Variants in MAF observed in about 807,000 individuals in gnomAD.
MAF encodes the protein MAF bZIP transcription factor.
A neutral mutation model predicts 22.0 loss-of-function variants in MAF; 10 were observed. The ratio of observed to expected loss-of-function variants is 0.45; its 90% CI spans 0.28 to 0.77. MAF has a LOEUF of 0.77. Among genes scored for constraint, MAF ranks in the 30% least tolerant of loss-of-function variants. The probability of loss-of-function intolerance (pLI) is 0.12; values close to 1 mark genes in which losing one functional copy is unlikely to be tolerated. For missense variants in MAF, 544 were observed against 548.4 expected (o/e 0.99, Z 0.08); for synonymous variants, 337 against 255.8 (o/e 1.32, Z -3.03).
chr16:79,325,005 T>G, the MAF span, among the ~76,000 whole-genome samples: 7 of 152,188 alleles, frequency 4.6e-5, no homozygotes, highest in Admixed American at 4.6e-4. Context: ...CATCTTCACC[T>G]GGCATTCTCC....
the MAF span, among the ~76,000 whole-genome samples, chr16:79,509,505 C>T: frequency 2.0e-5 from 3 of 151,984 alleles, no homozygotes; most frequent in East Asian, 1.9e-4. Context: ...GGATGGAACA[C>T]GAGGCCCTGC....
At chr16:79,431,902 C>T in the MAF span, among the ~76,000 whole-genome samples, 8 of 152,274 alleles carry the variant, frequency 5.3e-5, no homozygotes, top group East Asian at 5.8e-4. Flanking sequence ...ACCTTTCCCT[C>T]ATATGCCTAT....
chr16:79,569,956 T>A, the MAF span, among the ~76,000 whole-genome samples: 3 of 151,462 alleles, frequency 2.0e-5, no homozygotes, highest in African/African-American at 4.9e-5. Context: ...GGTGGTGGGA[T>A]CCTTTGCTGT....
chr16:79,513,507 G>T, the MAF span, among the ~76,000 whole-genome samples: 2 of 152,202 alleles, frequency 1.3e-5, no homozygotes, highest in African/African-American at 4.8e-5. Context: ...AAGTAACTGT[G>T]CAGTTGAAGG....
At chr16:79,438,006 T>C in the MAF span, among the ~76,000 whole-genome samples, 8 of 152,186 alleles carry the variant, frequency 5.3e-5, no homozygotes, top group East Asian at 7.7e-4. Context: ...AAGCCGGGGC[T>C]ACTACTGAGC....
At chr16:79,524,413 C>G in the MAF span, among the ~76,000 whole-genome samples, 1 of 152,176 alleles carries the variant, frequency 6.6e-6, no homozygotes, top group African/African-American at 2.4e-5. Flanking sequence ...TGAAACTTAT[C>G]TAACCATTAG....
chr16:79,437,604 T>A, the MAF span, among the ~76,000 whole-genome samples: 1 of 151,770 alleles, frequency 6.6e-6, no homozygotes, highest in Admixed American at 6.6e-5. Flanking sequence ...GCCCCCTCAT[T>A]TTACAGCTGA....
At chr16:79,594,687 C>T in intron 1 of MAF, 134 bp from the exon 2 acceptor site, 9 of 1,483,994 alleles carry the variant, frequency 6.1e-6, no homozygotes, top group Non-Finnish European at 8.0e-6. Context: ...ATGGCACTTA[C>T]TCAGGATTTA....
At chr16:79,542,518 C>G in the MAF span, among the ~76,000 whole-genome samples, 1 of 152,220 alleles carries the variant, frequency 6.6e-6, no homozygotes, top group Non-Finnish European at 1.5e-5. Flanking sequence ...CCAGACATCT[C>G]TGAGGCCCTT....
the MAF span, among the ~76,000 whole-genome samples, chr16:79,281,091 C>T: frequency 1.3e-5 from 2 of 151,716 alleles, no homozygotes; most frequent in East Asian, 1.9e-4. Context: ...GAAGAAGAGA[C>T]GAAGACAAAT....
the MAF span, among the ~76,000 whole-genome samples, chr16:79,333,722 C>T: frequency 6.6e-6 from 1 of 152,188 alleles, no homozygotes; most frequent in East Asian, 1.9e-4. Flanking sequence ...CACGCGGAAA[C>T]CTATCTGATG....
At chr16:79,320,304 C>T in the MAF span, among the ~76,000 whole-genome samples, 2 of 152,144 alleles carry the variant, frequency 1.3e-5, no homozygotes, top group Non-Finnish European at 1.5e-5. Flanking sequence ...AAAGCTGCTC[C>T]CATTCTGCTA....
chr16:79,233,991 C>CA, the MAF span, among the ~76,000 whole-genome samples: 36,238 of 125,420 alleles, frequency 0.29, 5,043 homozygotes, highest in African/African-American at 0.39. Flanking sequence ...GACTCCATCG[C>CA]AAAAAAAAAA....
chr16:79,467,618 C>T, the MAF span, among the ~76,000 whole-genome samples: 1 of 152,130 alleles, frequency 6.6e-6, no homozygotes, highest in Non-Finnish European at 1.5e-5. Flanking sequence ...CTGAGAGCAG[C>T]AGCATCAACA....
chr16:79,490,864 C>T, the MAF span, among the ~76,000 whole-genome samples: 1 of 152,188 alleles, frequency 6.6e-6, no homozygotes. Context: ...CAGAAATGGG[C>T]TCTGTGATGT....
the MAF span, among the ~76,000 whole-genome samples, chr16:79,284,988 G>T: frequency 6.6e-6 from 1 of 152,168 alleles, no homozygotes; most frequent in African/African-American, 2.4e-5. Context: ...AAATAGAAAC[G>T]TACGGCATCA....
the MAF span, among the ~76,000 whole-genome samples, chr16:79,418,484 G>C: frequency 6.6e-6 from 1 of 151,934 alleles, no homozygotes; most frequent in African/African-American, 2.4e-5. Context: ...TGCGCTGGGA[G>C]TTCTTCCGAT....
the MAF span, chr16:79,212,394 G>C: frequency 2.2e-6 from 1 of 457,484 alleles, no homozygotes; most frequent in East Asian, 3.5e-5. Flanking sequence ...AGGTGGCAAA[G>C]TACTTGTCAT....
At chr16:79,500,368 G>A in the MAF span, among the ~76,000 whole-genome samples, 1 of 152,176 alleles carries the variant, frequency 6.6e-6, no homozygotes, top group African/African-American at 2.4e-5. Flanking sequence ...GCTCTTTGGG[G>A]TTAGGCAAAC....
Sources: gnomAD v4.1 joint callset for allele counts (sites outside exome capture counted in the v4.1 genomes callset) on GRCh38, gnomAD v4.1.1 for gene constraint, MANE v1.5 for transcripts, NCBI Gene and HGNC (gene_info 2026-07-23, HGNC 2026-07-21) for gene names.